LRP2: variants seen among roughly 807,000 people sequenced by gnomAD.
LRP2 encodes the protein LDL receptor related protein 2.
Under a neutral mutation model 531.0 loss-of-function variants are expected in LRP2, and 172 were observed. That is an observed-to-expected ratio of 0.32 (90% CI 0.29 to 0.37). LRP2 has a LOEUF of 0.37. Among genes scored for constraint, LRP2 ranks in the 10% least tolerant of loss-of-function variants. The pLI is 1.00. For synonymous variants in LRP2, 1,992 were observed against 2,027.6 expected, an observed-to-expected ratio of 0.98 and a Z score of 0.47; for missense variants, 5,167 against 5,868.3, an observed-to-expected ratio of 0.88 and a Z score of 3.90.
At chr2:169,355,452 C>G (rs1685963464) in intron 1 of LRP2, among the ~76,000 whole-genome samples, 1 of 152,204 alleles carries the variant, frequency 6.6e-6, no homozygotes, top group African/African-American at 2.4e-5. Context: ...CCATTTCTCT[C>G]TGGACTCCAC....
Position 169,281,978 on chromosome 2 carries a change from T to C in LRP2, c.1171+895A>G, listed in dbSNP as rs932300059. ...CATAGGAAAGAGAAGGTGAAAACCA[T>C]GCAGAGGGGAATAGTTATGGAGGAA... On this transcript the variant is annotated intron_variant, in intron 10 of 78. Coordinates refer to ENST00000649046, the MANE Select transcript of LRP2 (RefSeq NM_004525.3). Among the ~76,000 whole-genome samples, 6 of 152,198 alleles carry C rather than the reference T, an allele frequency of 3.9e-5. No homozygotes were observed. The East Asian group carries it at 5.8e-4, about 15-fold the overall frequency.
At chr2:169,327,161 C>A (rs1305579121) in intron 1 of LRP2, among the ~76,000 whole-genome samples, 4 of 138,480 alleles carry the variant, frequency 2.9e-5, no homozygotes, top group East Asian at 2.2e-4. Context: ...GCCCGGCCAG[C>A]CGCCCCGTCC....
Position 169,204,168 on chromosome 2 carries a change from A to G in LRP2, c.7819T>C (p.Trp2607Arg), listed in dbSNP as rs531077489. 1.2e-6 allele frequency: 2 copies of G among 1,614,220 alleles called. No homozygotes were observed. The highest frequency in any genetic ancestry group is 1.1e-5 in the South Asian group (1 of 91,082). Residue 2607 changes from tryptophan to arginine, a missense_variant, in exon 42 of 79, where the codon TGG (tryptophan) becomes CGG (arginine). Trp to Arg is a moderately radical substitution (Grantham distance 101). This residue lies in a region of LRP2 where 1,129 missense variants were observed against 1,362.7 expected (regional missense o/e 0.83). Coordinates refer to ENST00000649046, the MANE Select transcript of LRP2 (RefSeq NM_004525.3). ...ATTCTTTGTGTGTACAAGTCAGTCC[A>G]GTAAATATACTGGCCATAGAGAGTC... ...GLTLYGQYIY[W>R]TDLYTQRIYR...
intron 34 of LRP2, 137 bp from the exon 35 acceptor site, chr2:169,216,567 G>T (rs1688803222): frequency 1.2e-6 from 1 of 804,444 alleles, no homozygotes; most frequent in East Asian, 2.6e-5. Flanking sequence ...ATATCTCGTT[G>T]CATACAACGT....
chr2:169,180,422 G>T (rs1158310905), intron 52 of LRP2, among the ~76,000 whole-genome samples: 1 of 152,120 alleles, frequency 6.6e-6, no homozygotes, highest in Non-Finnish European at 1.5e-5. Flanking sequence ...TATCTGCTAC[G>T]GTAAATTCTG....
chr2:169,216,171 C>G, intron 35 of LRP2, 82 bp downstream of exon 35: 1 of 1,440,348 alleles, frequency 6.9e-7, no homozygotes, highest in Non-Finnish European at 9.7e-7. Flanking sequence ...TGTTCAAGAA[C>G]CACTGCCTGA....
chr2:169,209,782 G>A (rs1688529486), intron 37 of LRP2, 141 bp from the exon 38 acceptor site: 1 of 817,444 alleles, frequency 1.2e-6, no homozygotes, highest in Non-Finnish European at 2.0e-6. Context: ...TTTTTTCCCA[G>A]TTGCAGTGAG....
intron 62 of LRP2, among the ~76,000 whole-genome samples, chr2:169,163,370 G>A (rs1361054704): frequency 6.6e-6 from 1 of 152,154 alleles, no homozygotes; most frequent in Non-Finnish European, 1.5e-5. Context: ...CCAGAAATTT[G>A]CTGTGTGAGA....
Position 169,185,873 on chromosome 2 carries a change from T to A in LRP2, c.9475A>T (p.Met3159Leu), listed in dbSNP as rs1337388361. 1 of 1,614,006 alleles carries A rather than the reference T, an allele frequency of 6.2e-7. No individual in the cohort carries two copies. ...TCVDIDECTEMPFVCSQKCEN... is the reference protein window; with the variant it reads ...TCVDIDECTELPFVCSQKCEN... ...CACTTCTGGCTACAGACAAAAGGCA[T>A]CTCTGTGCATTCATCAATATCAACA... The change falls in exon 50 of 79, where the codon ATG (methionine) becomes TTG (leucine). Residue 3159 changes from methionine (M) to leucine (L), a missense_variant. By Grantham distance (15) the Met-to-Leu change is conservative. This residue lies in a region of LRP2 where 1,129 missense variants were observed against 1,362.7 expected (regional missense o/e 0.83). Coordinates refer to ENST00000649046, the MANE Select transcript of LRP2 (RefSeq NM_004525.3).
In LRP2 at chr2:169,225,297, A is replaced by C. The variant is rs775668825; in HGVS notation, c.5538+13T>G. ...ATCCAATGTTTGTGTAAGTAGTATT[A>C]TGGAATCATTACCTCGATTGACTGA... On this transcript the variant is annotated intron_variant, in intron 33 of 78. Coordinates refer to ENST00000649046, the MANE Select transcript of LRP2 (RefSeq NM_004525.3). 3 of 1,612,538 alleles carry C rather than the reference A, an allele frequency of 1.9e-6. No homozygotes were observed. The highest frequency in any genetic ancestry group is 3.3e-5 in the Admixed American group (2 of 59,990).
intron 64 of LRP2, 109 bp downstream of exon 64, chr2:169,157,262 A>C: frequency 1.7e-3 from 1,609 of 940,142 alleles, no homozygotes; most frequent in Non-Finnish European, 2.4e-3. Context: ...AACCATGAGT[A>C]TGGTACCATT....
chr2:169,237,572 C>G (rs1689651765), intron 27 of LRP2, among the ~76,000 whole-genome samples: 1 of 152,164 alleles, frequency 6.6e-6, no homozygotes, highest in African/African-American at 2.4e-5. Context: ...AGAAAAAGCT[C>G]TATCCATTTG....
At position 169,205,315 on chromosome 2, in the gene LRP2, T is replaced by A. The variant is rs13410285; in HGVS notation, c.7715+164A>T. Among the ~76,000 whole-genome samples, 11,497 of 152,276 alleles carry A rather than the reference T, an allele frequency of 0.076. 1,435 individuals are homozygous for A. The highest frequency in any genetic ancestry group is 0.26 in the African/African-American group (10,680 of 41,516). ...ATATAGATAAATTTTCACAGTATGT[T>A]CACCAAGTTCCAATATAAACATAGT... On this transcript the variant is annotated intron_variant, in intron 41 of 78. Coordinates refer to ENST00000649046, the MANE Select transcript of LRP2 (RefSeq NM_004525.3).
chr2:169,359,866 G>A (rs906509546), intron 1 of LRP2, among the ~76,000 whole-genome samples: 6 of 152,226 alleles, frequency 3.9e-5, no homozygotes, highest in African/African-American at 1.2e-4. Context: ...GCTCACACCT[G>A]TAATCCTAGC....
intron 68 of LRP2, among the ~76,000 whole-genome samples, chr2:169,148,049 C>G (rs1420350162): frequency 2.6e-5 from 4 of 152,216 alleles, no homozygotes; most frequent in Non-Finnish European, 5.9e-5. Context: ...AACCAGTCAT[C>G]AGGCATAGGC....
intron 33 of LRP2, among the ~76,000 whole-genome samples, chr2:169,222,440 T>C (rs1689054277): frequency 6.6e-6 from 1 of 152,110 alleles, no homozygotes; most frequent in Non-Finnish European, 1.5e-5. Context: ...TAAAATGCAT[T>C]TCCATGTTTC....
intron 1 of LRP2, among the ~76,000 whole-genome samples, chr2:169,359,420 A>G (rs1448463220): frequency 6.6e-6 from 1 of 152,242 alleles, no homozygotes; most frequent in African/African-American, 2.4e-5. Flanking sequence ...ATTTTTTTCA[A>G]AGACTAAACA....
Position 169,226,564 on chromosome 2 carries a change from A to G in LRP2, c.5252T>C (p.Val1751Ala), listed in dbSNP as rs1283415438. 6.2e-7 allele frequency: 1 copy of G among 1,612,312 alleles called. No homozygotes were observed. Among genetic ancestry groups the G allele is most frequent in the Non-Finnish European group, 8.5e-7 (1 of 1,178,666 alleles). The change falls in exon 32 of 79, where the codon GTA becomes GCA. Residue 1751 changes from valine to alanine, a missense_variant. This residue lies in a region of LRP2 where 2,811 missense variants were observed against 3,058.0 expected (regional missense o/e 0.92). Transcript: ENST00000649046. Reference protein sequence around the residue: ...LRDDQPFLITVRQHIIFGISL... With the variant: ...LRDDQPFLITARQHIIFGISL... ...GATTCCAAAAATTATATGTTGCCTT[A>G]CAGTTATTAAGAAAGGTTGATCATC...
chr2:169,299,136 A>T, intron 4 of LRP2, among the ~76,000 whole-genome samples: 1 of 35,532 alleles, frequency 2.8e-5, no homozygotes, highest in South Asian at 1.3e-3. Flanking sequence ...AGAAAGAAAG[A>T]AAGAAAGAAA....
Sources: allele counts gnomAD v4.1 joint callset (sites outside exome capture counted in the v4.1 genomes callset), GRCh38; gene constraint gnomAD v4.1.1; regional missense constraint gnomAD v4.1.1; transcripts MANE v1.5; gene names NCBI Gene and HGNC (gene_info 2026-07-23, HGNC 2026-07-21).